Variants in MAP1B observed in about 807,000 individuals in gnomAD.
MAP1B encodes the protein microtubule-associated protein 1B.
Under a neutral mutation model 176.1 loss-of-function variants are expected in MAP1B, and 12 were observed. That is an observed-to-expected ratio of 0.07 (90% CI 0.04 to 0.11). The LOEUF is 0.11. MAP1B is among the 10% of genes least tolerant of loss of function. MAP1B has a pLI of 1.00. For synonymous variants in MAP1B, 1,044 were observed against 1,135.0 expected (o/e 0.92, Z 1.61); for missense variants, 2,523 against 2,990.5 (o/e 0.84, Z 3.65).
intron 2 of MAP1B, among the ~76,000 whole-genome samples, chr5:72,171,597 A>AT (rs531047868): frequency 1.3e-4 from 19 of 151,280 alleles, no homozygotes; most frequent in East Asian, 5.8e-4. Flanking sequence ...CTCAAAAAAA[A>AT]TTTTTTTTTT....
At chr5:72,151,484 C>T (rs967183080) in intron 2 of MAP1B, among the ~76,000 whole-genome samples, 4 of 152,130 alleles carry the variant, frequency 2.6e-5, no homozygotes, top group African/African-American at 9.7e-5. Context: ...ATTGTGTTTC[C>T]ACTGTGCCCT....
chr5:72,159,561 A>G (rs1746291911), intron 2 of MAP1B, among the ~76,000 whole-genome samples: 1 of 152,232 alleles, frequency 6.6e-6, no homozygotes. Context: ...TAAGTTGACC[A>G]TCTGCTGTTG....
chr5:72,112,785 G>A (rs1174582450), intron 1 of MAP1B, among the ~76,000 whole-genome samples: 2 of 152,244 alleles, frequency 1.3e-5, no homozygotes, highest in Non-Finnish European at 2.9e-5. Flanking sequence ...ACCTGGGTAA[G>A]CCCAGAAGGG....
chr5:72,125,413 A>G (rs914985000), intron 2 of MAP1B, among the ~76,000 whole-genome samples: 1 of 152,190 alleles, frequency 6.6e-6, no homozygotes, highest in Admixed American at 6.5e-5. Flanking sequence ...TTCATTTTAT[A>G]TGGTATCTCC....
intron 2 of MAP1B, among the ~76,000 whole-genome samples, chr5:72,126,435 G>A (rs896198581): frequency 6.6e-6 from 1 of 152,156 alleles, no homozygotes; most frequent in African/African-American, 2.4e-5. Context: ...TTTTTGAGGA[G>A]GCATAAATTG....
chr5:72,130,426 G>A (rs898277907), intron 2 of MAP1B, among the ~76,000 whole-genome samples: 1 of 152,236 alleles, frequency 6.6e-6, no homozygotes, highest in Non-Finnish European at 1.5e-5. Flanking sequence ...CTTAGTATGT[G>A]TATGACAATG....
At chr5:72,111,831 G>C (rs1979310) in intron 1 of MAP1B, among the ~76,000 whole-genome samples, 114,179 of 152,090 alleles carry the variant, frequency 0.75, 42,994 homozygotes, top group African/African-American at 0.82. Flanking sequence ...TCATTTGCTT[G>C]TGTTGTAAGA....
At chr5:72,193,342 CTTTTTTTT>C in intron 4 of MAP1B, 6 of 215,172 alleles carry the variant, frequency 2.8e-5, no homozygotes, top group East Asian at 1.4e-4. Flanking sequence ...TCCATCAGGC[CTTTTTTTT>C]TTTTTTTTTT....
At chr5:72,166,636 G>C (rs1036520554) in intron 2 of MAP1B, among the ~76,000 whole-genome samples, 1 of 152,190 alleles carries the variant, frequency 6.6e-6, no homozygotes, top group Non-Finnish European at 1.5e-5. Context: ...GATAATGTGA[G>C]GCCCGAGGCC....
chr5:72,196,091 G>A lies in MAP1B; in HGVS notation c.2736G>A (p.Leu912=). The change falls in exon 5 of 7, where the codon CTG becomes CTA. Residue 912 remains leucine (L), a synonymous_variant. Coordinates refer to ENST00000296755, the MANE Select transcript of MAP1B (RefSeq NM_005909.5). The surrounding 1 kb of genome is among the most constrained non-coding windows in gnomAD (Gnocchi z 5.3). ...EGECEQTPEE[L]EPVEKQGVDD... ...AATGTGAACAGACACCTGAGGAGCT[G>A]GAGCCCGTCGAGAAGCAGGGAGTAG... 2.5e-6 allele frequency: 4 copies of A among 1,614,150 alleles called. No individual in the cohort carries two copies. Among genetic ancestry groups the A allele is most frequent in the Non-Finnish European group, 3.4e-6 (4 of 1,180,024 alleles).
chr5:72,152,601 C>T (rs954219825), intron 2 of MAP1B, among the ~76,000 whole-genome samples: 1 of 152,184 alleles, frequency 6.6e-6, no homozygotes, highest in Non-Finnish European at 1.5e-5. Context: ...CACCCGCCAA[C>T]ACGCGCAGCC....
chr5:72,137,759 A>G (rs547303009), intron 2 of MAP1B, among the ~76,000 whole-genome samples: 2 of 152,316 alleles, frequency 1.3e-5, no homozygotes, highest in Admixed American at 6.5e-5. Context: ...TCTAATATGT[A>G]TCAAAGCCTT....
intron 2 of MAP1B, among the ~76,000 whole-genome samples, chr5:72,129,776 G>T (rs1024060282): frequency 6.6e-6 from 1 of 152,006 alleles, no homozygotes; most frequent in Admixed American, 6.5e-5. Context: ...AATAATGCTG[G>T]TTTGGGTTTA....
At chr5:72,120,701 C>T (rs1444147335) in intron 2 of MAP1B, among the ~76,000 whole-genome samples, 1 of 152,078 alleles carries the variant, frequency 6.6e-6, no homozygotes, top group Non-Finnish European at 1.5e-5. Flanking sequence ...ACTGGGATTA[C>T]AGGCGTGAGC....
intron 3 of MAP1B, among the ~76,000 whole-genome samples, chr5:72,184,438 T>A (rs1214894044): frequency 6.6e-6 from 1 of 152,240 alleles, no homozygotes; most frequent in Non-Finnish European, 1.5e-5. Flanking sequence ...GTTTCTACAT[T>A]TAATGTTCAT....
chr5:72,147,696 A>G (rs1746071359), intron 2 of MAP1B, among the ~76,000 whole-genome samples: 1 of 152,162 alleles, frequency 6.6e-6, no homozygotes, highest in Admixed American at 6.5e-5. Flanking sequence ...GTACAGACAG[A>G]AGGTGAGTGG....
intron 2 of MAP1B, among the ~76,000 whole-genome samples, chr5:72,142,783 A>G (rs1745969198): frequency 1.3e-5 from 2 of 152,040 alleles, no homozygotes; most frequent in Admixed American, 6.6e-5. Context: ...GCTAAATAAT[A>G]GAGTGGAGCA....
At chr5:72,136,659 A>C (rs962716036) in intron 2 of MAP1B, among the ~76,000 whole-genome samples, 18 of 152,188 alleles carry the variant, frequency 1.2e-4, no homozygotes, top group Middle Eastern at 3.4e-3. Context: ...ACCTAGCCTA[A>C]TGTTTTGTAC....
intron 1 of MAP1B, among the ~76,000 whole-genome samples, chr5:72,112,004 A>G (rs1745351924): frequency 1.3e-5 from 2 of 152,114 alleles, no homozygotes; most frequent in African/African-American, 2.4e-5. Flanking sequence ...AAAAATAAGA[A>G]TTTTTTCCTC....
Sources: allele counts gnomAD v4.1 joint callset (sites outside exome capture counted in the v4.1 genomes callset), GRCh38; gene constraint gnomAD v4.1.1; non-coding constraint Gnocchi (gnomAD v3.1); transcripts MANE v1.5; gene names NCBI Gene and HGNC (gene_info 2026-07-23, HGNC 2026-07-21).